Variants in GNB5 observed in about 807,000 individuals in gnomAD.
GNB5 encodes the protein guanine nucleotide-binding protein subunit beta-5.
GNB5 carries 37 observed loss-of-function variants against 55.3 expected under a neutral mutation model. The ratio of observed to expected loss-of-function variants is 0.67; its 90% CI spans 0.51 to 0.88. The LOEUF (loss-of-function observed/expected upper bound fraction) is 0.88. Ranked by LOEUF, GNB5 falls within the 40% of genes least tolerant of loss-of-function variation. GNB5 has a pLI of 0.00. For synonymous variants in GNB5, 219 were observed against 198.5 expected, an observed-to-expected ratio of 1.10 and a Z score of -0.87; for missense variants, 476 against 515.3, an observed-to-expected ratio of 0.92 and a Z score of 0.74.
intron 7 of GNB5, among the ~76,000 whole-genome samples, chr15:52,136,027 G>A (rs1447931904): frequency 7.0e-6 from 1 of 143,858 alleles, no homozygotes; most frequent in Non-Finnish European, 1.5e-5. Flanking sequence ...GCCGGGGGCA[G>A]TCAATCAGAG....
At chr15:52,137,008 CAA>C (rs1428289917) in intron 7 of GNB5, 2 of 453,980 alleles carry the variant, frequency 4.4e-6, no homozygotes, top group Non-Finnish European at 8.8e-6. Context: ...CATCCAGACT[CAA>C]AGACTGTTCG....
chr15:52,132,740 C>T (rs776701421), intron 9 of GNB5, among the ~76,000 whole-genome samples: 5 of 151,186 alleles, frequency 3.3e-5, no homozygotes, highest in East Asian at 1.9e-4. Context: ...CCCAACAGAG[C>T]GATCTTTTAA....
At chr15:52,181,912 T>C (rs1420293106) in intron 2 of GNB5, among the ~76,000 whole-genome samples, 1 of 151,846 alleles carries the variant, frequency 6.6e-6, no homozygotes, top group Admixed American at 6.6e-5. Context: ...ACAAACATGT[T>C]TATAAATGAA....
chr15:52,170,992 G>A (rs1431417271), intron 3 of GNB5, among the ~76,000 whole-genome samples: 1 of 151,308 alleles, frequency 6.6e-6, no homozygotes, highest in Non-Finnish European at 1.5e-5. Context: ...TACTTGGGAG[G>A]CTGAGGCAAG....
At chr15:52,148,016 T>C (rs1342190340) in intron 5 of GNB5, among the ~76,000 whole-genome samples, 1 of 151,534 alleles carries the variant, frequency 6.6e-6, no homozygotes, top group Non-Finnish European at 1.5e-5. Flanking sequence ...ATAATCAACT[T>C]GATGTCACAT....
In GNB5 at chr15:52,184,541, T is replaced by C; in HGVS notation, c.126+10A>G. Reference sequence around the variant, plus strand: ...GACAGATAACTGAATTTTTTTTAAGTGGCACTTACAATTTCTGCACATGTT... The same window carrying C: ...GACAGATAACTGAATTTTTTTTAAGCGGCACTTACAATTTCTGCACATGTT... On this transcript the variant is annotated intron_variant, in intron 2 of 12. Coordinates refer to ENST00000261837, the MANE Select transcript of GNB5 (RefSeq NM_016194.4). 6.2e-7 allele frequency: 1 copy of C among 1,612,038 alleles called. No individual in the cohort carries two copies.
At chr15:52,190,799 AAAAAAAAAAAAAAAAAAAAC>A (rs1264614826) in intron 1 of GNB5, among the ~76,000 whole-genome samples, 32 of 127,804 alleles carry the variant, frequency 2.5e-4, no homozygotes, top group South Asian at 6.9e-4. Context: ...AAAAAAAAAA[AAAAAAAAAAAAAAAAAAAAC>A]ATAAATGTCA....
At chr15:52,136,694 T>C (rs553762870) in intron 7 of GNB5, among the ~76,000 whole-genome samples, 1 of 152,286 alleles carries the variant, frequency 6.6e-6, no homozygotes, top group African/African-American at 2.4e-5. Context: ...TCAAGAAACA[T>C]CTGCTGTGTG....
intron 5 of GNB5, chr15:52,149,647 C>G: frequency 1.7e-6 from 1 of 598,856 alleles, no homozygotes; most frequent in East Asian, 2.8e-5. Flanking sequence ...TTGGTATTGG[C>G]AGCCCCTATG....
chr15:52,167,350 C>T (rs1296742157), intron 3 of GNB5, among the ~76,000 whole-genome samples: 1 of 152,152 alleles, frequency 6.6e-6, no homozygotes, highest in Non-Finnish European at 1.5e-5. Flanking sequence ...ATCCTGATAT[C>T]AAAACCTGGC....
At chr15:52,165,059 G>C (rs116566232) in intron 3 of GNB5, among the ~76,000 whole-genome samples, 2 of 152,140 alleles carry the variant, frequency 1.3e-5, no homozygotes, top group Middle Eastern at 3.2e-3. Context: ...AGAATGTCAC[G>C]ATGCAATCAC....
At chr15:52,141,406 A>T in intron 6 of GNB5, 134 bp from the exon 7 acceptor site, 2 of 641,756 alleles carry the variant, frequency 3.1e-6, no homozygotes, top group Non-Finnish European at 2.6e-6. Flanking sequence ...TCCAACTTTT[A>T]CTTTGAAGAT....
chr15:52,145,181 A>T (rs2033943961), intron 6 of GNB5, among the ~76,000 whole-genome samples: 1 of 152,030 alleles, frequency 6.6e-6, no homozygotes, highest in African/African-American at 2.4e-5. Context: ...GCTTTCTCTA[A>T]TAGATGTGTT....
rs2033172490 is a variant in GNB5 at position 52,117,643 on chromosome 15, T to C, written c.*5114A>G. 6.6e-6 allele frequency: 1 copy of C among 152,354 alleles called. No homozygotes were observed. The highest frequency in any genetic ancestry group is 2.1e-4 in the South Asian group (1 of 4,836). The allele number at this position is 152,354 out of a possible 1,614,324, so 9.4% of individuals were successfully genotyped here. A position where few individuals can be genotyped will look rare whatever the true frequency, so the allele number is the denominator to read the frequency against. On this transcript the variant is annotated 3_prime_UTR_variant, in exon 13 of 13. Transcript: ENST00000261837. Reference sequence around the variant, plus strand: ...GGCCAGCCTGGCTCCAGCCAAGTGCTGTCTAGAAGCAGGAGTCTGTGGTAT... The same window carrying C: ...GGCCAGCCTGGCTCCAGCCAAGTGCCGTCTAGAAGCAGGAGTCTGTGGTAT...
At chr15:52,152,845 G>C (rs149005469) in intron 4 of GNB5, among the ~76,000 whole-genome samples, 1 of 151,948 alleles carries the variant, frequency 6.6e-6, no homozygotes, top group Non-Finnish European at 1.5e-5. Context: ...ATTTGGTCTC[G>C]AACTCCTGGA....
In GNB5 at chr15:52,133,450, A is replaced by G; in HGVS notation, c.791T>C (p.Met264Thr). The change falls in exon 9 of 13, where the codon ATG becomes ACG. Residue 264 changes from methionine (M) to threonine (T), a missense_variant. By Grantham distance (81) the Met-to-Thr change is moderately conservative. Coordinates refer to ENST00000261837, the MANE Select transcript of GNB5 (RefSeq NM_016194.4). ...FVSGGCDKKA[M>T]VWDMRSGQCV... ...CTGGCCGGAGCGCATGTCCCACACC[A>G]TGGCTTTCTTGTCACATCCCTACAA... 6.2e-7 allele frequency: 1 copy of G among 1,612,362 alleles called. No homozygotes were observed. Among genetic ancestry groups the G allele is most frequent in the Non-Finnish European group, 8.5e-7 (1 of 1,178,356 alleles).
chr15:52,189,077 A>G (rs373441852), intron 1 of GNB5, among the ~76,000 whole-genome samples: 37 of 152,358 alleles, frequency 2.4e-4, no homozygotes, highest in Admixed American at 2.2e-3. Context: ...GTTTGGATAC[A>G]TAGGGTATAT....
intron 7 of GNB5, chr15:52,137,388 G>A: frequency 9.7e-7 from 1 of 1,033,078 alleles, no homozygotes; most frequent in Non-Finnish European, 1.2e-6. Context: ...AGAAGGGAAG[G>A]GGAGAGACAA....
intron 2 of GNB5, 69 bp from the exon 3 acceptor site, chr15:52,179,948 T>TCCAGCAGCCGTC: frequency 7.0e-7 from 1 of 1,426,532 alleles, no homozygotes; most frequent in Non-Finnish European, 9.2e-7. Context: ...CGGGCGCCGC[T>TCCAGCAGCCGTC]CCAGCAGCCG....
Sources: gnomAD v4.1 joint callset for allele counts (sites outside exome capture counted in the v4.1 genomes callset) on GRCh38, gnomAD v4.1.1 for gene constraint, MANE v1.5 for transcripts, NCBI Gene and HGNC (gene_info 2026-07-23, HGNC 2026-07-21) for gene names.